FMN1: variants seen among roughly 807,000 people sequenced by gnomAD.
FMN1 encodes the protein formin 1.
Under a neutral mutation model 132.4 loss-of-function variants are expected in FMN1, and 110 were observed. The observed-to-expected ratio is 0.83, with a 90% CI of 0.71 to 0.97. The LOEUF (loss-of-function observed/expected upper bound fraction) is 0.97. Ranked by LOEUF, FMN1 falls within the 50% of genes least tolerant of loss-of-function variation. The pLI is 0.00. For synonymous variants in FMN1, 722 were observed against 651.7 expected (o/e 1.11, Z -1.64); for missense variants, 1,792 against 1,705.3 (o/e 1.05, Z -0.90).
At chr15:33,009,019 T>C (rs149614396) in intron 6 of FMN1, among the ~76,000 whole-genome samples, 1 of 152,318 alleles carries the variant, frequency 6.6e-6, no homozygotes, top group East Asian at 1.9e-4. Flanking sequence ...TGTTTTAATT[T>C]AAAAATGGAA....
At chr15:32,895,916 T>C (rs1453806423) in intron 15 of FMN1, among the ~76,000 whole-genome samples, 1 of 152,176 alleles carries the variant, frequency 6.6e-6, no homozygotes, top group Non-Finnish European at 1.5e-5. Context: ...TCTCACCTTT[T>C]ATGGTTTGTG....
rs567978021 is a variant in FMN1 at position 33,060,473 on chromosome 15, G to C, written c.2161+4484C>G. ...AAAATAGGTGGATCTTTATTAAATT[G>C]AGGAATGGTTTATTTCTCTATTTAA... On this transcript the variant is annotated intron_variant, in intron 6 of 20. Coordinates refer to ENST00000616417, the MANE Select transcript of FMN1 (RefSeq NM_001277313.2). Among the ~76,000 whole-genome samples, 173 of 152,294 alleles carry C rather than the reference G, an allele frequency of 1.1e-3. 1 individual carries two copies. The highest frequency in any genetic ancestry group is 2.3e-3 in the Non-Finnish European group (157 of 68,024).
At chr15:32,917,905 C>G (rs989683676) in intron 10 of FMN1, among the ~76,000 whole-genome samples, 7 of 152,162 alleles carry the variant, frequency 4.6e-5, no homozygotes, top group Admixed American at 3.9e-4. Flanking sequence ...ACATACAGCC[C>G]ATGTTATGAA....
rs1222491040 is a variant in FMN1, at chr15:33,153,303, G to C, written c.1612C>G (p.Leu538Val). 11 of 1,536,160 alleles carry C rather than the reference G, an allele frequency of 7.2e-6. No homozygotes were observed. The Admixed American group carries it at 1.8e-4, about 25-fold the overall frequency. The change falls in exon 4 of 21, where the codon CTC becomes GTC. Residue 538 changes from leucine (L) to valine (V), a missense_variant. Coordinates refer to ENST00000616417, the MANE Select transcript of FMN1 (RefSeq NM_001277313.2). ...TCACCAGGCAATGCAGGGAGCCGGA[G>C]GATCCTGTGATGCTGCTGAGGGCTG... ...LPSPQQHHRI[L>V]RLPALPGERE... is the part of the protein sequence containing the mutation.
intron 6 of FMN1, among the ~76,000 whole-genome samples, chr15:33,009,210 T>A (rs549407791): frequency 7.2e-5 from 11 of 152,082 alleles, no homozygotes; most frequent in Admixed American, 4.6e-4. Context: ...CTTGTCATTA[T>A]CCCCACCAGC....
chr15:32,894,612 A>G (rs1057353049), intron 15 of FMN1, among the ~76,000 whole-genome samples: 1 of 152,206 alleles, frequency 6.6e-6, no homozygotes, highest in East Asian at 1.9e-4. Context: ...AGATTCAAAC[A>G]AAGTACTTCT....
rs556343321 is a variant in FMN1, at chr15:33,038,289, TTGAA to T, written c.2161+26664_2161+26667del. On this transcript the variant is annotated intron_variant, in intron 6 of 20. Coordinates refer to ENST00000616417, the MANE Select transcript of FMN1 (RefSeq NM_001277313.2). ...ACATCCCTCTTTTAAATGTAGCTAA[TTGAA>T]TCTAAGAACACTGATTTGCCGCCCT... Among the ~76,000 whole-genome samples the T allele has an allele frequency of 7.9e-5, 12 of 152,310 alleles. No individual in the cohort carries two copies. In the South Asian group the frequency reaches 2.5e-3, roughly 32 times the overall value.
At chr15:33,140,773 C>T (rs374039752) in intron 4 of FMN1, among the ~76,000 whole-genome samples, 114 of 151,976 alleles carry the variant, frequency 7.5e-4, no homozygotes, top group African/African-American at 2.5e-3. Context: ...ACAGCATGTG[C>T]AAAGGCACAG....
rs779871638 is a variant in FMN1, at chr15:33,136,450, A to G, written c.1867+16598T>C. The stretch of plus-strand genomic sequence containing the variant: ...ACAGACGTGTTTGGGAAGAGCTTCA[A>G]ATAGGACTATGGAATAGTTCTTAAA... On this transcript the variant is annotated intron_variant, in intron 4 of 20. Coordinates refer to ENST00000616417, the MANE Select transcript of FMN1 (RefSeq NM_001277313.2). 2.5e-4 allele frequency among the ~76,000 whole-genome samples: 38 copies of G among 152,364 alleles called. 1 individual carries two copies. The highest frequency in any genetic ancestry group is 8.9e-4 in the African/African-American group (37 of 41,588).
intron 10 of FMN1, among the ~76,000 whole-genome samples, chr15:32,914,237 T>C (rs927232879): frequency 1.3e-5 from 2 of 152,236 alleles, no homozygotes; most frequent in Non-Finnish European, 2.9e-5. Flanking sequence ...GTTCAACTAT[T>C]ATATTGCTTT....
chr15:33,175,549 T>A (rs1459478237), intron 3 of FMN1, among the ~76,000 whole-genome samples: 1 of 152,188 alleles, frequency 6.6e-6, no homozygotes, highest in Non-Finnish European at 1.5e-5. Context: ...CCCCTATTTC[T>A]CTATATCTCT....
intron 9 of FMN1, among the ~76,000 whole-genome samples, chr15:32,944,389 T>G (rs1353296622): frequency 4.6e-5 from 7 of 152,204 alleles, no homozygotes; most frequent in Non-Finnish European, 1.0e-4. Flanking sequence ...CTGGTAGGCC[T>G]CTGGGAAGAA....
At chr15:33,166,259 T>C (rs1159537842) in intron 3 of FMN1, among the ~76,000 whole-genome samples, 2 of 151,876 alleles carry the variant, frequency 1.3e-5, no homozygotes, top group South Asian at 2.1e-4. Context: ...AATCCAGGTT[T>C]CTGGACTCTC....
chr15:33,069,991 C>CTTTTTTTT (rs1566888327), intron 5 of FMN1, among the ~76,000 whole-genome samples: 15 of 59,550 alleles, frequency 2.5e-4, no homozygotes, highest in African/African-American at 6.9e-4. Context: ...ATCAGTCTTT[C>CTTTTTTTT]TCTTTTTTTT....
In FMN1 at chr15:32,926,392, TTAAA is replaced by T. The variant is rs2060962420; in HGVS notation, c.3139-135_3139-132del. ...ACTAAATTGATGCTGCATGCACTCT[TTAAA>T]TAATACTTAATTGGGAAGTAACTTA... On this transcript the variant is annotated intron_variant, in intron 9 of 20. Transcript: ENST00000616417. The T allele has an allele frequency of 1.2e-5, 7 of 561,092 alleles. No individual in the cohort carries two copies. The East Asian group carries it at 1.5e-4, about 12-fold the overall frequency. The allele number at this position is 561,092 out of a possible 1,614,324, so 34.8% of individuals were successfully genotyped here.
intron 10 of FMN1, among the ~76,000 whole-genome samples, chr15:32,910,770 G>A (rs2060541507): frequency 1.3e-5 from 2 of 152,230 alleles, no homozygotes; most frequent in Admixed American, 1.3e-4. Flanking sequence ...CAGGCTCTGA[G>A]TCCTTTCTGC....
rs1386387286 is a variant in FMN1, at chr15:32,968,704, G to A, written c.2987+10C>T. On this transcript the variant is annotated intron_variant, in intron 8 of 20. Transcript: ENST00000616417. ...TTCACATGCTGAGAATGGGATAGGG[G>A]AGAACTTACCTCCTATCACTTATTT... 3 of 1,613,454 alleles carry A rather than the reference G, an allele frequency of 1.9e-6. No homozygotes were observed. Among genetic ancestry groups the A allele is most frequent in the Non-Finnish European group, 8.5e-7 (1 of 1,179,654 alleles).
intron 6 of FMN1, among the ~76,000 whole-genome samples, chr15:33,049,424 C>G (rs1265940857): frequency 6.6e-6 from 1 of 152,168 alleles, no homozygotes; most frequent in African/African-American, 2.4e-5. Context: ...TAAGGGGATA[C>G]CCTCTACTCA....
intron 7 of FMN1, among the ~76,000 whole-genome samples, chr15:32,988,722 T>A (rs906159227): frequency 6.6e-6 from 1 of 152,148 alleles, no homozygotes; most frequent in Non-Finnish European, 1.5e-5. Context: ...GCCAACTTCC[T>A]TGGCTACAAT....
Sources: allele counts gnomAD v4.1 joint callset (sites outside exome capture counted in the v4.1 genomes callset), GRCh38; gene constraint gnomAD v4.1.1; transcripts MANE v1.5; gene names NCBI Gene and HGNC (gene_info 2026-07-23, HGNC 2026-07-21).